The following MAP1B variants were observed in gnomAD, a reference collection of about 807,000 sequenced individuals.
The protein encoded by MAP1B is microtubule-associated protein 1B.
Under a neutral mutation model 176.1 loss-of-function variants are expected in MAP1B, and 12 were observed. The ratio of observed to expected loss-of-function variants is 0.07; its 90% CI spans 0.04 to 0.11. MAP1B has a LOEUF of 0.11. Among genes scored for constraint, MAP1B ranks in the 10% least tolerant of loss-of-function variants. The pLI is 1.00. For missense variants in MAP1B, 2,523 were observed against 2,990.5 expected (o/e 0.84, Z 3.65); for synonymous variants, 1,044 against 1,135.0 (o/e 0.92, Z 1.61).
Position 72,196,128 on chromosome 5 carries a change from A to C in MAP1B, c.2773A>C (p.Lys925Gln). 6.2e-7 allele frequency: 1 copy of C among 1,613,730 alleles called. No individual in the cohort carries two copies. Among genetic ancestry groups the C allele is most frequent in the Admixed American group, 1.7e-5 (1 of 60,028 alleles). ...VEKQGVDDIEKFEDEGAGFEE... is the reference protein window; with the variant it reads ...VEKQGVDDIEQFEDEGAGFEE... Reference sequence around the variant, plus strand: ...GAAGCAGGGAGTAGACGACATTGAAAAATTTGAAGATGAAGGAGCCGGTTT... The same window carrying C: ...GAAGCAGGGAGTAGACGACATTGAACAATTTGAAGATGAAGGAGCCGGTTT... The change falls in exon 5 of 7, where the codon AAA becomes CAA. Residue 925 changes from lysine to glutamine, a missense_variant. Lys to Gln is a moderately conservative substitution (Grantham distance 53). This residue lies in a region of MAP1B where 1,925 missense variants were observed against 2,126.0 expected (regional missense o/e 0.91). Transcript: ENST00000296755. This position sits in a 1 kb window ranked among gnomAD's most constrained non-coding sequence, Gnocchi z 5.3.
chr5:72,130,184 GAA>G (rs753070848), intron 2 of MAP1B, among the ~76,000 whole-genome samples: 1 of 31,224 alleles, frequency 3.2e-5, no homozygotes, highest in Admixed American at 3.4e-4. Flanking sequence ...AAGAAAAGTG[GAA>G]AAAAAAAAAA....
chr5:72,123,493 GT>G (rs995521952), intron 2 of MAP1B, among the ~76,000 whole-genome samples: 5 of 147,962 alleles, frequency 3.4e-5, no homozygotes, highest in East Asian at 2.0e-4. Flanking sequence ...TTTTTTTTTA[GT>G]TTTTTTTGAA....
chr5:72,144,639 C>T (rs952569191), intron 2 of MAP1B, among the ~76,000 whole-genome samples: 2 of 152,160 alleles, frequency 1.3e-5, no homozygotes, highest in African/African-American at 4.8e-5. Flanking sequence ...AAGCGATCCC[C>T]CCACCTCAGC....
At position 72,196,329 on chromosome 5, in the gene MAP1B, T is replaced by C. The variant is rs1181012930; in HGVS notation, c.2974T>C (p.Ser992Pro). 5 of 1,612,222 alleles carry C rather than the reference T, an allele frequency of 3.1e-6. No homozygotes were observed. Among genetic ancestry groups the C allele is most frequent in the Non-Finnish European group, 4.2e-6 (5 of 1,179,580 alleles). Residue 992 changes from serine to proline, a missense_variant, in exon 5 of 7, where the codon TCT becomes CCT. This residue lies in a region of MAP1B where 1,925 missense variants were observed against 2,126.0 expected (regional missense o/e 0.91). Transcript: ENST00000296755. The surrounding 1 kb of genome is among the most constrained non-coding windows in gnomAD (Gnocchi z 5.3). ...ADAYIREKRE[S>P]VASGDDRAEE... ...TGCATACATCAGGGAGAAGAGGGAGTCTGTGGCCAGTGGGGATGACCGAGC... is the reference window on the plus strand; with the variant it reads ...TGCATACATCAGGGAGAAGAGGGAGCCTGTGGCCAGTGGGGATGACCGAGC...
chr5:72,166,035 G>C (rs553503463), intron 2 of MAP1B, among the ~76,000 whole-genome samples: 1 of 152,322 alleles, frequency 6.6e-6, no homozygotes, highest in South Asian at 2.1e-4. Context: ...AGGGCTCAGT[G>C]TTACTTGCTC....
At chr5:72,149,172 C>A (rs1746097746) in intron 2 of MAP1B, among the ~76,000 whole-genome samples, 2 of 152,288 alleles carry the variant, frequency 1.3e-5, no homozygotes, top group East Asian at 1.9e-4. Context: ...TCATGTAAAT[C>A]CCTGCACAGT....
At chr5:72,175,705 G>A (rs1046008151) in intron 2 of MAP1B, among the ~76,000 whole-genome samples, 1 of 152,128 alleles carries the variant, frequency 6.6e-6, no homozygotes, top group Non-Finnish European at 1.5e-5. Context: ...ACCGAAGAGA[G>A]GATTTAGAAA....
intron 2 of MAP1B, 30 bp from the exon 3 acceptor site, chr5:72,183,713 C>T (rs751341568): frequency 6.3e-7 from 1 of 1,585,616 alleles, no homozygotes; most frequent in Admixed American, 1.7e-5. Context: ...CTAAAGGTCT[C>T]CTCTTTTGTT....
At chr5:72,124,730 G>C (rs943713187) in intron 2 of MAP1B, among the ~76,000 whole-genome samples, 3 of 152,202 alleles carry the variant, frequency 2.0e-5, no homozygotes, top group African/African-American at 7.2e-5. Flanking sequence ...TTTTCAATGG[G>C]AGCTGTGAGT....
At chr5:72,203,448 A>G in intron 5 of MAP1B, 115 bp from the exon 6 acceptor site, 1 of 773,888 alleles carries the variant, frequency 1.3e-6, no homozygotes, top group Non-Finnish European at 2.3e-6. Context: ...TGCATGTCTC[A>G]GAGGACCTAC....
At chr5:72,164,095 C>A (rs1256436089) in intron 2 of MAP1B, among the ~76,000 whole-genome samples, 2 of 151,820 alleles carry the variant, frequency 1.3e-5, no homozygotes. Context: ...TGTACCACCA[C>A]ACCTGGCTAA....
intron 2 of MAP1B, among the ~76,000 whole-genome samples, chr5:72,138,798 AT>A (rs1219261784): frequency 1.3e-5 from 2 of 152,184 alleles, no homozygotes; most frequent in Admixed American, 1.3e-4. Flanking sequence ...TACCAAAATA[AT>A]TTTTGTCTTT....
intron 2 of MAP1B, among the ~76,000 whole-genome samples, chr5:72,141,073 G>A (rs1214230410): frequency 6.6e-6 from 1 of 152,128 alleles, no homozygotes; most frequent in South Asian, 2.1e-4. Flanking sequence ...GTGTCTTCTG[G>A]AGCATTGACC....
intron 1 of MAP1B, among the ~76,000 whole-genome samples, chr5:72,115,472 G>A (rs1745415235): frequency 6.6e-6 from 1 of 152,090 alleles, no homozygotes; most frequent in African/African-American, 2.4e-5. Context: ...TTTATGAGGG[G>A]CAGAAGCTCA....
chr5:72,123,008 CTT>C (rs1331848557), intron 2 of MAP1B, among the ~76,000 whole-genome samples: 1 of 152,136 alleles, frequency 6.6e-6, no homozygotes, highest in African/African-American at 2.4e-5. Context: ...AGCACAGTCT[CTT>C]TGCTTTTTCT....
intron 2 of MAP1B, among the ~76,000 whole-genome samples, chr5:72,155,117 T>A (rs548704005): frequency 1.6e-3 from 241 of 152,354 alleles, no homozygotes; most frequent in African/African-American, 5.5e-3. Context: ...AGCACTTGAT[T>A]GTAACAGCAT....
In MAP1B at chr5:72,194,173, C is replaced by T. The variant is rs773038201; in HGVS notation, c.818C>T (p.Ala273Val). The change falls in exon 5 of 7, where the codon GCC becomes GTC. Residue 273 changes from alanine (A) to valine (V), a missense_variant. By Grantham distance (64) the Ala-to-Val change is moderately conservative. Transcript: ENST00000296755. The surrounding 1 kb of genome is among the most constrained non-coding windows in gnomAD (Gnocchi z 7.2). Reference sequence around the variant, plus strand: ...TTTCCAGGAGGGAGGGGCGATTCTGCCTTGTTTGCAGTGAATGGTTTCAAT... The same window carrying T: ...TTTCCAGGAGGGAGGGGCGATTCTGTCTTGTTTGCAGTGAATGGTTTCAAT... ...YIFPGGRGDS[A>V]LFAVNGFNML... is the part of the protein sequence containing the mutation. 4.3e-5 allele frequency: 70 copies of T among 1,614,072 alleles called. No homozygotes were observed. The highest frequency in any genetic ancestry group is 5.8e-5 in the Non-Finnish European group (68 of 1,180,046).
chr5:72,170,851 G>A (rs1407388252), intron 2 of MAP1B, among the ~76,000 whole-genome samples: 1 of 143,612 alleles, frequency 7.0e-6, no homozygotes, highest in African/African-American at 2.5e-5. Context: ...GGAGGCTGAG[G>A]CAGGAAAGTA....
At chr5:72,171,600 T>G (rs1746544018) in intron 2 of MAP1B, among the ~76,000 whole-genome samples, 1 of 152,128 alleles carries the variant, frequency 6.6e-6, no homozygotes, top group Admixed American at 6.5e-5. Context: ...AAAAAAAATT[T>G]TTTTTTTAAA....
Sources: gnomAD v4.1 joint callset for allele counts (sites outside exome capture counted in the v4.1 genomes callset) on GRCh38, gnomAD v4.1.1 for gene constraint, gnomAD v4.1.1 regional missense constraint, Gnocchi (gnomAD v3.1) non-coding constraint, MANE v1.5 for transcripts, NCBI Gene and HGNC (gene_info 2026-07-23, HGNC 2026-07-21) for gene names.